TRABD2B: variants seen among roughly 807,000 people sequenced by gnomAD.
The protein encoded by TRABD2B is metalloprotease TIKI2.
A neutral mutation model predicts 40.1 loss-of-function variants in TRABD2B; 14 were observed. The observed-to-expected ratio is 0.35, with a 90% CI of 0.23 to 0.55. The LOEUF is 0.55. Ranked by LOEUF, TRABD2B falls within the 20% of genes least tolerant of loss-of-function variation. The probability of loss-of-function intolerance (pLI) is 0.90; values close to 1 mark genes in which losing one functional copy is unlikely to be tolerated. For synonymous variants in TRABD2B, 263 were observed against 277.0 expected (o/e 0.95, Z 0.50); for missense variants, 541 against 648.6 (o/e 0.83, Z 1.80).
intron 2 of TRABD2B, among the ~76,000 whole-genome samples, chr1:47,910,702 T>G (rs1293487591): frequency 6.6e-6 from 1 of 152,218 alleles, no homozygotes; most frequent in Non-Finnish European, 1.5e-5. Flanking sequence ...CATTTCTCTC[T>G]CGGAGCCTGT....
At chr1:47,926,099 T>C (rs1047162268) in intron 2 of TRABD2B, among the ~76,000 whole-genome samples, 2 of 152,216 alleles carry the variant, frequency 1.3e-5, no homozygotes, top group South Asian at 2.1e-4. Context: ...CAGTATCAAG[T>C]GACTTTGCTA....
chr1:47,787,817 C>T lies in TRABD2B; in HGVS notation c.988+6769G>A, dbSNP rs146807925. Among the ~76,000 whole-genome samples, 620 of 151,970 alleles carry T rather than the reference C, an allele frequency of 4.1e-3. 4 individuals are homozygous for T. Among genetic ancestry groups the T allele is most frequent in the South Asian group, 0.016 (76 of 4,796 alleles). On this transcript the variant is annotated intron_variant, in intron 4 of 6. Transcript: ENST00000606738. ...TCATTCATTCAACAAGTGGGTAATA[C>T]GCACCTTCTTAGTGCTCAGGGAGTG...
At chr1:47,981,309 C>T (rs542227341) in intron 2 of TRABD2B, among the ~76,000 whole-genome samples, 41 of 152,294 alleles carry the variant, frequency 2.7e-4, no homozygotes, top group African/African-American at 9.6e-4. Context: ...CCACTGCACC[C>T]GGCCACATTC....
At chr1:47,873,690 G>A (rs1407881433) in intron 2 of TRABD2B, among the ~76,000 whole-genome samples, 1 of 152,166 alleles carries the variant, frequency 6.6e-6, no homozygotes, top group Non-Finnish European at 1.5e-5. Context: ...GCCATGCACG[G>A]TCTTGGTGGC....
chr1:47,938,702 C>T (rs1390976), intron 2 of TRABD2B, among the ~76,000 whole-genome samples: 145,833 of 152,230 alleles, frequency 0.96, 70,185 homozygotes, highest in Non-Finnish European at 1. Context: ...CTGTCTAAAA[C>T]GATGGTGTTG....
intron 4 of TRABD2B, among the ~76,000 whole-genome samples, chr1:47,789,560 T>G (rs1644642921): frequency 1.3e-5 from 2 of 152,144 alleles, no homozygotes; most frequent in South Asian, 4.1e-4. Flanking sequence ...GGCCAATTTC[T>G]CTTATGTCAA....
chr1:47,770,997 C>A (rs1006701800), intron 6 of TRABD2B, among the ~76,000 whole-genome samples: 6 of 152,220 alleles, frequency 3.9e-5, no homozygotes, highest in African/African-American at 1.2e-4. Context: ...GGATTTGAAC[C>A]CCATTCTGCC....
intron 2 of TRABD2B, among the ~76,000 whole-genome samples, chr1:47,921,322 C>T (rs183832679): frequency 7.2e-5 from 11 of 152,288 alleles, no homozygotes; most frequent in Admixed American, 7.2e-4. Flanking sequence ...CAAGTTGCCT[C>T]CGCTGCCAGG....
intron 4 of TRABD2B, among the ~76,000 whole-genome samples, chr1:47,794,189 T>G (rs1465972781): frequency 1.3e-5 from 2 of 152,214 alleles, no homozygotes; most frequent in East Asian, 3.9e-4. Context: ...GAGCCAGGAC[T>G]GTGGGACGCC....
Position 47,760,569 on chromosome 1 carries a change from AAT to A in TRABD2B, c.*5331_*5332del, listed in dbSNP as rs1644233388. ...TTTTATTAATATATTATGCTACAAA[AAT>A]ATTTTTGGCAAAATAACATTAATAG... On this transcript the variant is annotated 3_prime_UTR_variant, in exon 7 of 7. Coordinates refer to ENST00000606738, the MANE Select transcript of TRABD2B (RefSeq NM_001194986.2). 6.6e-6 allele frequency: 1 copy of A among 152,244 alleles called. No individual in the cohort carries two copies. Among genetic ancestry groups the A allele is most frequent in the South Asian group, 2.1e-4 (1 of 4,832 alleles). The allele number at this position is 152,244 out of a possible 1,614,324, so 9.4% of individuals were successfully genotyped here. A position where few individuals can be genotyped will look rare whatever the true frequency, so the allele number is the denominator to read the frequency against.
rs570097243 is a variant in TRABD2B, at chr1:47,832,482, G to A, written c.667-30863C>T. On this transcript the variant is annotated intron_variant, in intron 2 of 6. Transcript: ENST00000606738. ...TGGGGGGGATGATTTAAATGCATGG[G>A]ACTAGCAGGGGCTTAGCAAATATTT... 7.2e-4 allele frequency among the ~76,000 whole-genome samples: 110 copies of A among 152,272 alleles called. No individual in the cohort carries two copies. In the Middle Eastern group the frequency reaches 0.01, roughly 14 times the overall value.
chr1:47,940,398 G>A (rs1645170309), intron 2 of TRABD2B, among the ~76,000 whole-genome samples: 1 of 152,190 alleles, frequency 6.6e-6, no homozygotes, highest in South Asian at 2.1e-4. Flanking sequence ...GGAATTTGTT[G>A]GGGTGTACTA....
intron 3 of TRABD2B, among the ~76,000 whole-genome samples, chr1:47,799,007 C>T (rs1353005893): frequency 6.6e-6 from 1 of 152,110 alleles, no homozygotes; most frequent in Non-Finnish European, 1.5e-5. Context: ...ATCCAGGTGG[C>T]CCAATCCACC....
At chr1:47,951,289 C>CA (rs1645340519) in intron 2 of TRABD2B, among the ~76,000 whole-genome samples, 1 of 152,192 alleles carries the variant, frequency 6.6e-6, no homozygotes, top group South Asian at 2.1e-4. Context: ...GGCCACAATG[C>CA]GGGGGATTCT....
chr1:47,901,426 A>G (rs1432202233), intron 2 of TRABD2B, among the ~76,000 whole-genome samples: 1 of 152,208 alleles, frequency 6.6e-6, no homozygotes, highest in East Asian at 1.9e-4. Context: ...GCTCTTGCTC[A>G]GCCAGCATGG....
At chr1:47,957,633 A>G (rs1001748290) in intron 2 of TRABD2B, among the ~76,000 whole-genome samples, 1 of 152,230 alleles carries the variant, frequency 6.6e-6, no homozygotes, top group South Asian at 2.1e-4. Flanking sequence ...GATCAAATGA[A>G]TTAAATGAAG....
chr1:47,933,270 TA>T (rs1193259582), intron 2 of TRABD2B, among the ~76,000 whole-genome samples: 1 of 151,668 alleles, frequency 6.6e-6, no homozygotes, highest in Non-Finnish European at 1.5e-5. Flanking sequence ...CACGCCTGGC[TA>T]ATTTTTTTTT....
intron 6 of TRABD2B, among the ~76,000 whole-genome samples, chr1:47,767,534 A>G (rs901511056): frequency 6.6e-6 from 1 of 152,242 alleles, no homozygotes; most frequent in African/African-American, 2.4e-5. Context: ...GGCAGGGATG[A>G]CTGCTGTCCC....
chr1:47,955,447 C>G (rs1446360085), intron 2 of TRABD2B, among the ~76,000 whole-genome samples: 1 of 152,186 alleles, frequency 6.6e-6, no homozygotes, highest in Non-Finnish European at 1.5e-5. Flanking sequence ...CAAAGAATGG[C>G]CAGTGGCTCT....
Sources: gnomAD v4.1 joint callset for allele counts (sites outside exome capture counted in the v4.1 genomes callset) on GRCh38, gnomAD v4.1.1 for gene constraint, MANE v1.5 for transcripts, NCBI Gene and HGNC (gene_info 2026-07-23, HGNC 2026-07-21) for gene names.